The following FMN1 variants were observed in gnomAD, a reference collection of about 807,000 sequenced individuals.
FMN1 encodes the protein formin-1.
A neutral mutation model predicts 132.4 loss-of-function variants in FMN1; 110 were observed. The ratio of observed to expected loss-of-function variants is 0.83; its 90% CI spans 0.71 to 0.97. The LOEUF (loss-of-function observed/expected upper bound fraction) is 0.97, where lower values mean the gene tolerates loss of function less well. FMN1 is among the 50% of genes least tolerant of loss of function. FMN1 has a pLI of 0.00. For synonymous variants in FMN1, 722 were observed against 651.7 expected, an observed-to-expected ratio of 1.11 and a Z score of -1.64; for missense variants, 1,792 against 1,705.3, an observed-to-expected ratio of 1.05 and a Z score of -0.90.
At chr15:32,995,834 A>G (rs553817831) in intron 7 of FMN1, among the ~76,000 whole-genome samples, 1 of 152,364 alleles carries the variant, frequency 6.6e-6, no homozygotes, top group Admixed American at 6.5e-5. Flanking sequence ...ATACATATTC[A>G]GATGTTTCCT....
chr15:32,833,669 T>G (rs1398900930), intron 17 of FMN1, among the ~76,000 whole-genome samples: 2 of 152,184 alleles, frequency 1.3e-5, no homozygotes, highest in Non-Finnish European at 2.9e-5. Flanking sequence ...TATCCAAGCA[T>G]CTTTTTTCTG....
chr15:32,876,882 T>C (rs916758135), intron 16 of FMN1, among the ~76,000 whole-genome samples: 18 of 152,234 alleles, frequency 1.2e-4, no homozygotes, highest in African/African-American at 4.3e-4. Flanking sequence ...ATTTAATTTG[T>C]TGTAAGTTAA....
chr15:33,010,187 A>C (rs1036597920), intron 6 of FMN1, among the ~76,000 whole-genome samples: 2 of 152,152 alleles, frequency 1.3e-5, no homozygotes, highest in Non-Finnish European at 2.9e-5. Context: ...CACTATGCAG[A>C]GTGAAAGAAG....
At chr15:33,073,835 AT>A (rs2038093823) in intron 5 of FMN1, among the ~76,000 whole-genome samples, 1 of 151,494 alleles carries the variant, frequency 6.6e-6, no homozygotes, top group Non-Finnish European at 1.5e-5. Context: ...TGCTCAAATG[AT>A]TCTCCCACCT....
At chr15:32,914,702 T>C (rs185182027) in intron 10 of FMN1, among the ~76,000 whole-genome samples, 4 of 152,260 alleles carry the variant, frequency 2.6e-5, no homozygotes, top group East Asian at 1.9e-4. Context: ...ACAGAAAGGA[T>C]AGGGCAAAAA....
At chr15:32,878,288 G>T (rs1409811882) in intron 16 of FMN1, among the ~76,000 whole-genome samples, 2 of 152,232 alleles carry the variant, frequency 1.3e-5, no homozygotes, top group African/African-American at 4.8e-5. Context: ...TGGAAAGGCA[G>T]AAGTGGTTAA....
At chr15:33,116,473 C>G (rs2039930037) in intron 4 of FMN1, among the ~76,000 whole-genome samples, 1 of 152,326 alleles carries the variant, frequency 6.6e-6, no homozygotes, top group South Asian at 2.1e-4. Context: ...GTTATCCGAC[C>G]ATGCGGCAGC....
chr15:33,019,354 T>C (rs944939339), intron 6 of FMN1, among the ~76,000 whole-genome samples: 6 of 152,160 alleles, frequency 3.9e-5, no homozygotes, highest in Non-Finnish European at 5.9e-5. Context: ...AATTGGTGCA[T>C]TCACAATCCC....
At chr15:33,008,578 A>T (rs1356262820) in intron 6 of FMN1, among the ~76,000 whole-genome samples, 1 of 152,236 alleles carries the variant, frequency 6.6e-6, no homozygotes, top group African/African-American at 2.4e-5. Context: ...TATCTCAGAA[A>T]GTCAATACTA....
chr15:32,995,992 T>C (rs999780862), intron 7 of FMN1, among the ~76,000 whole-genome samples: 19 of 152,206 alleles, frequency 1.2e-4, no homozygotes, highest in African/African-American at 2.4e-5. Context: ...CCTCGGCACA[T>C]AGCTTATATG....
chr15:33,009,710 G>A (rs1359235405), intron 6 of FMN1, among the ~76,000 whole-genome samples: 1 of 152,092 alleles, frequency 6.6e-6, no homozygotes, highest in Non-Finnish European at 1.5e-5. Context: ...CATTACTGAT[G>A]AAGATACTAA....
At chr15:32,991,961 T>C (rs191348970) in intron 7 of FMN1, among the ~76,000 whole-genome samples, 15 of 152,324 alleles carry the variant, frequency 9.8e-5, no homozygotes, top group Admixed American at 9.2e-4. Flanking sequence ...ACGACTAAAA[T>C]GTTCTTTTTG....
chr15:33,156,421 C>A (rs892048214), intron 3 of FMN1, among the ~76,000 whole-genome samples: 1 of 151,616 alleles, frequency 6.6e-6, no homozygotes, highest in African/African-American at 2.4e-5. Context: ...GGTGGGACTA[C>A]AGGCACGTGC....
At chr15:32,930,613 C>G (rs952949807) in intron 9 of FMN1, among the ~76,000 whole-genome samples, 1 of 151,992 alleles carries the variant, frequency 6.6e-6, no homozygotes. Flanking sequence ...AATATTTTTT[C>G]CCATTCTGTA....
At chr15:33,093,105 G>C (rs936862263) in intron 4 of FMN1, among the ~76,000 whole-genome samples, 2 of 152,168 alleles carry the variant, frequency 1.3e-5, no homozygotes, top group Non-Finnish European at 2.9e-5. Context: ...CAAAATTACA[G>C]TGCCTTTTAA....
At chr15:32,800,114 A>G (rs183018520) in intron 18 of FMN1, among the ~76,000 whole-genome samples, 254 of 152,326 alleles carry the variant, frequency 1.7e-3, no homozygotes, top group Non-Finnish European at 2.8e-3. Context: ...TATGTATCTC[A>G]TAAGATTTTA....
chr15:33,099,149 G>A (rs2039197245), intron 4 of FMN1, among the ~76,000 whole-genome samples: 1 of 152,110 alleles, frequency 6.6e-6, no homozygotes, highest in Non-Finnish European at 1.5e-5. Context: ...AAGTTAGCCA[G>A]GTGGGGTGGC....
chr15:32,828,577 G>C (rs980563625), intron 17 of FMN1, among the ~76,000 whole-genome samples: 26 of 151,200 alleles, frequency 1.7e-4, no homozygotes, highest in Admixed American at 1.3e-4. Context: ...CTAACAATTT[G>C]GATAATAGTA....
Position 32,771,729 on chromosome 15 carries a change from T to A in FMN1, c.*2581A>T, listed in dbSNP as rs1057473. The A allele has an allele frequency of 0.19, 29,354 of 152,214 alleles. 3,173 individuals are homozygous for A. The highest frequency in any genetic ancestry group is 0.25 in the Non-Finnish European group (17,098 of 68,008). 9.4% of individuals were successfully genotyped at this position (152,214 alleles called of 1,614,324 possible). On this transcript the variant is annotated 3_prime_UTR_variant, in exon 21 of 21. Coordinates refer to ENST00000616417, the MANE Select transcript of FMN1 (RefSeq NM_001277313.2). The stretch of plus-strand genomic sequence containing the variant: ...GCTGCCAAATGGCATCCCGATCACC[T>A]CCTCTCCAGGAAAAGTTCAGATCCT...
Sources: allele counts gnomAD v4.1 joint callset (sites outside exome capture counted in the v4.1 genomes callset), GRCh38; gene constraint gnomAD v4.1.1; transcripts MANE v1.5; gene names NCBI Gene and HGNC (gene_info 2026-07-23, HGNC 2026-07-21).